The following RAI1 variants were observed in gnomAD, a reference collection of about 807,000 sequenced individuals.
RAI1 encodes the protein retinoic acid induced 1.
In RAI1, 9 loss-of-function variants were observed where a neutral mutation model predicts 123.8. The observed-to-expected ratio is 0.07, with a 90% CI of 0.04 to 0.13. The LOEUF is 0.13. Among genes scored for constraint, RAI1 ranks in the 10% least tolerant of loss-of-function variants. The pLI is 1.00. For synonymous variants in RAI1, 1,231 were observed against 1,127.3 expected (o/e 1.09, Z -1.84); for missense variants, 2,256 against 2,545.8 (o/e 0.89, Z 2.45).
chr17:17,800,180 G>GTCTCTGTCTCTCTCTCTCTCTCTC lies in RAI1; in HGVS notation c.5565+1672_5565+1673insGTCTCTCTCTCTCTCTCTCTCTCT, dbSNP rs2032405799. Among the ~76,000 whole-genome samples the GTCTCTGTCTCTCTCTCTCTCTCTC allele has an allele frequency of 8.6e-6, 1 of 116,318 alleles. No individual in the cohort carries two copies. 76.3% of individuals were successfully genotyped at this position (116,318 alleles called of 152,430 possible). On this transcript the variant is annotated intron_variant, in intron 3 of 5. Coordinates refer to ENST00000353383, the MANE Select transcript of RAI1 (RefSeq NM_030665.4). This position sits in a 1 kb window ranked among gnomAD's most constrained non-coding sequence, Gnocchi z 4.7. ...TCTCTCCTGCTTTCTGTCTCTCTCT[G>GTCTCTGTCTCTCTCTCTCTCTCTC]TCTCTCTCTCTCTCTCTCTCTCTCT...
At chr17:17,770,746 C>T (rs896569493) in intron 2 of RAI1, 2 of 152,296 alleles carry the variant, frequency 1.3e-5, no homozygotes, top group Non-Finnish European at 2.9e-5. Context: ...CACACCCTGC[C>T]GTCTTCATTT....
At chr17:17,744,527 TCA>T (rs761506766) in intron 2 of RAI1, among the ~76,000 whole-genome samples, 3 of 152,050 alleles carry the variant, frequency 2.0e-5, no homozygotes, top group Non-Finnish European at 4.4e-5. Flanking sequence ...GGTGGGTGGC[TCA>T]CGCCTGTAAT....
intron 1 of RAI1, among the ~76,000 whole-genome samples, chr17:17,688,432 C>T (rs1914716730): frequency 1.3e-5 from 2 of 151,882 alleles, no homozygotes; most frequent in Admixed American, 6.6e-5. Flanking sequence ...TTGGAATGAG[C>T]CAAGATCGTG....
At chr17:17,763,826 C>T (rs2030807927) in intron 2 of RAI1, among the ~76,000 whole-genome samples, 1 of 152,218 alleles carries the variant, frequency 6.6e-6, no homozygotes, top group Non-Finnish European at 1.5e-5. Flanking sequence ...CAAATATCAG[C>T]CCCTTCAAAC....
At chr17:17,701,256 C>T (rs1915215261) in intron 1 of RAI1, among the ~76,000 whole-genome samples, 1 of 152,184 alleles carries the variant, frequency 6.6e-6, no homozygotes, top group Admixed American at 6.5e-5. Context: ...TCTCTGCATG[C>T]CCCTGCCATC....
rs1336137318 is a variant in RAI1 at position 17,799,889 on chromosome 17, C to G, written c.5565+1376C>G. ...GTTGCCGTGGCATTGCCTGGCCAAA[C>G]CAAGGTCCCGGTGGGGGCCCACTGT... is the stretch of plus-strand genomic sequence containing the variant. On this transcript the variant is annotated intron_variant, in intron 3 of 5. Transcript: ENST00000353383. The surrounding 1 kb of genome is among the most constrained non-coding windows in gnomAD (Gnocchi z 4.5). Among the ~76,000 whole-genome samples, 1 of 152,202 alleles carries G rather than the reference C, an allele frequency of 6.6e-6. No homozygotes were observed. The highest frequency in any genetic ancestry group is 2.4e-5 in the African/African-American group (1 of 41,434).
At chr17:17,757,113 G>A (rs2030469340) in intron 2 of RAI1, among the ~76,000 whole-genome samples, 1 of 152,182 alleles carries the variant, frequency 6.6e-6, no homozygotes, top group African/African-American at 2.4e-5. Context: ...CATGCTTGGA[G>A]CGGGGTCCAG....
chr17:17,732,878 G>C (rs1916313971), intron 2 of RAI1, among the ~76,000 whole-genome samples: 1 of 152,226 alleles, frequency 6.6e-6, no homozygotes, highest in Non-Finnish European at 1.5e-5. Flanking sequence ...AGAGAGGCCA[G>C]GGCTTGAGCA....
At chr17:17,803,085 CAA>C (rs1167089282) in intron 3 of RAI1, among the ~76,000 whole-genome samples, 19 of 55,958 alleles carry the variant, frequency 3.4e-4, no homozygotes, top group African/African-American at 8.8e-4. Context: ...AATTCTGTCT[CAA>C]AAAAAAAAAA....
chr17:17,729,172 C>T (rs1002684301), intron 2 of RAI1, among the ~76,000 whole-genome samples: 2 of 152,214 alleles, frequency 1.3e-5, no homozygotes, highest in African/African-American at 2.4e-5. Context: ...CCGTGAGGCT[C>T]AAGACACTGT....
At chr17:17,687,621 C>T (rs529978566) in intron 1 of RAI1, among the ~76,000 whole-genome samples, 6 of 152,198 alleles carry the variant, frequency 3.9e-5, no homozygotes, top group South Asian at 2.1e-4. Context: ...GCACTGGATT[C>T]GGAATCAGGA....
At chr17:17,740,945 G>A (rs56265135) in intron 2 of RAI1, among the ~76,000 whole-genome samples, 133 of 150,432 alleles carry the variant, frequency 8.8e-4, no homozygotes, top group African/African-American at 3.2e-3. Context: ...CCTTGAACAG[G>A]GAGGCCGTGG....
intron 1 of RAI1, among the ~76,000 whole-genome samples, chr17:17,686,865 A>G (rs1018626979): frequency 6.6e-6 from 1 of 152,112 alleles, no homozygotes; most frequent in Non-Finnish European, 1.5e-5. Context: ...TCTGTCCAGC[A>G]GACAACCCTA....
chr17:17,767,010 G>A (rs2030963325), intron 2 of RAI1, among the ~76,000 whole-genome samples: 1 of 152,114 alleles, frequency 6.6e-6, no homozygotes, highest in Non-Finnish European at 1.5e-5. Flanking sequence ...GGACCAGTGA[G>A]GGCCAGAGTG....
In RAI1 at chr17:17,809,588, C is replaced by G; in HGVS notation, c.5709+149C>G. 1 of 853,982 alleles carries G rather than the reference C, an allele frequency of 1.2e-6. No individual in the cohort carries two copies. The highest frequency in any genetic ancestry group is 1.8e-6 in the Non-Finnish European group (1 of 552,768). 52.9% of individuals were successfully genotyped at this position (853,982 alleles called of 1,614,324 possible). ...GGAGGGAGCTCTCCCCGCCCACCCC[C>G]AGGAGCCCCCGCCGCCGTCCAGCTC... On this transcript the variant is annotated intron_variant, in intron 5 of 5. Coordinates refer to ENST00000353383, the MANE Select transcript of RAI1 (RefSeq NM_030665.4). This position sits in a 1 kb window ranked among gnomAD's most constrained non-coding sequence, Gnocchi z 4.9.
rs2143006485 is a variant in RAI1, at chr17:17,809,255, A to G, written c.5660-135A>G. 1 of 818,906 alleles carries G rather than the reference A, an allele frequency of 1.2e-6. No homozygotes were observed. Among genetic ancestry groups the G allele is most frequent in the Non-Finnish European group, 2.1e-6 (1 of 466,962 alleles). The allele number at this position is 818,906 out of a possible 1,614,324, so 50.7% of individuals were successfully genotyped here. A position where few individuals can be genotyped will look rare whatever the true frequency, so the allele number is the denominator to read the frequency against. On this transcript the variant is annotated intron_variant, in intron 4 of 5. Transcript: ENST00000353383. This position sits in a 1 kb window ranked among gnomAD's most constrained non-coding sequence, Gnocchi z 4.9. ...TGTGGAGGGTTTTGTGCAGAATCTG[A>G]TTAACTCTTTGAAAAGAGCCCCTGC...
At chr17:17,733,184 C>T (rs887259160) in intron 2 of RAI1, among the ~76,000 whole-genome samples, 2 of 152,164 alleles carry the variant, frequency 1.3e-5, no homozygotes, top group Admixed American at 1.3e-4. Context: ...GCCCTGGCAT[C>T]CTGGCTTTCC....
At chr17:17,754,451 G>T (rs911963808) in intron 2 of RAI1, among the ~76,000 whole-genome samples, 1 of 152,062 alleles carries the variant, frequency 6.6e-6, no homozygotes, top group African/African-American at 2.4e-5. Context: ...GGTCAGGCTG[G>T]TCTCTATCTC....
intron 2 of RAI1, among the ~76,000 whole-genome samples, chr17:17,774,457 C>T (rs911396610): frequency 9.8e-5 from 15 of 152,388 alleles, no homozygotes; most frequent in African/African-American, 2.9e-4. Context: ...CAGGGGCCTC[C>T]GGCCCGTCAG....
Sources: allele counts gnomAD v4.1 joint callset (sites outside exome capture counted in the v4.1 genomes callset), GRCh38; gene constraint gnomAD v4.1.1; non-coding constraint Gnocchi (gnomAD v3.1); transcripts MANE v1.5; gene names NCBI Gene and HGNC (gene_info 2026-07-23, HGNC 2026-07-21).